The following PARD3 variants were observed in gnomAD, a reference collection of about 807,000 sequenced individuals.
PARD3 encodes partitioning defective 3 homolog.
Under a neutral mutation model 155.4 loss-of-function variants are expected in PARD3, and 75 were observed. The observed-to-expected ratio is 0.48, with a 90% CI of 0.40 to 0.58. The LOEUF (loss-of-function observed/expected upper bound fraction) is 0.58. Among genes scored for constraint, PARD3 ranks in the 20% least tolerant of loss-of-function variants. The pLI, the probability that PARD3 is intolerant of heterozygous loss-of-function variation, is 0.00. For synonymous variants in PARD3, 576 were observed against 610.5 expected (o/e 0.94, Z 0.83); for missense variants, 1,642 against 1,721.7 (o/e 0.95, Z 0.82).
chr10:34,604,733 G>C (rs914394483), intron 2 of PARD3, among the ~76,000 whole-genome samples: 3 of 150,994 alleles, frequency 2.0e-5, no homozygotes, highest in African/African-American at 7.3e-5. Context: ...TGAACTATAA[G>C]CAACAAAGAT....
chr10:34,297,606 A>G (rs1296513068), intron 20 of PARD3, among the ~76,000 whole-genome samples: 1 of 152,188 alleles, frequency 6.6e-6, no homozygotes, highest in Non-Finnish European at 1.5e-5. Flanking sequence ...TTTCAGTGGT[A>G]GCATTTTCCA....
chr10:34,436,241 C>T (rs2076180969), intron 5 of PARD3, among the ~76,000 whole-genome samples: 1 of 152,194 alleles, frequency 6.6e-6, no homozygotes. Flanking sequence ...CCAAGACGTC[C>T]TTTTCCTTAA....
At chr10:34,172,130 A>C (rs2582850) in intron 22 of PARD3, among the ~76,000 whole-genome samples, 30,413 of 152,070 alleles carry the variant, frequency 0.2, 3,866 homozygotes, top group Non-Finnish European at 0.26. Flanking sequence ...GCAACACAAC[A>C]TTCTCAAGGG....
chr10:34,787,390 T>C (rs1564619630), intron 1 of PARD3, among the ~76,000 whole-genome samples: 1 of 151,904 alleles, frequency 6.6e-6, no homozygotes, highest in African/African-American at 2.4e-5. Context: ...AAAACAATAA[T>C]AATAATTCCA....
chr10:34,745,388 A>AAAAGGAAGG (rs1329065485), intron 1 of PARD3, among the ~76,000 whole-genome samples: 1 of 151,262 alleles, frequency 6.6e-6, no homozygotes. Flanking sequence ...GAAAGGAAGT[A>AAAAGGAAGG]AAAGGAAGGA....
At chr10:34,800,401 G>A (rs531160269) in intron 1 of PARD3, among the ~76,000 whole-genome samples, 3 of 152,158 alleles carry the variant, frequency 2.0e-5, no homozygotes, top group East Asian at 1.9e-4. Context: ...CCTGAGGTCA[G>A]GAGTTCAAGA....
intron 1 of PARD3, among the ~76,000 whole-genome samples, chr10:34,771,644 A>T (rs893264234): frequency 2.6e-5 from 4 of 152,242 alleles, no homozygotes; most frequent in Non-Finnish European, 5.9e-5. Flanking sequence ...TTTTGATGCC[A>T]GCCAAGGAAC....
At chr10:34,345,682 GA>G in intron 15 of PARD3, 1 of 985,310 alleles carries the variant, frequency 1.0e-6, no homozygotes, top group Non-Finnish European at 1.2e-6. Context: ...ACATAAATCC[GA>G]ATTTTGGTTC....
chr10:34,456,226 G>T (rs1167571130), intron 4 of PARD3, among the ~76,000 whole-genome samples: 1 of 152,174 alleles, frequency 6.6e-6, no homozygotes, highest in Non-Finnish European at 1.5e-5. Context: ...CAGAGATTTT[G>T]AATGCCAAAA....
chr10:34,777,998 T>C (rs993957632), intron 1 of PARD3, among the ~76,000 whole-genome samples: 1 of 152,218 alleles, frequency 6.6e-6, no homozygotes, highest in African/African-American at 2.4e-5. Context: ...TAGAGCTTTA[T>C]CCTCCAGCAG....
chr10:34,623,131 A>G (rs537437899), intron 2 of PARD3, among the ~76,000 whole-genome samples: 4 of 152,288 alleles, frequency 2.6e-5, no homozygotes, highest in African/African-American at 9.6e-5. Context: ...CTACAAAGAC[A>G]CACAAAAGCA....
At chr10:34,503,536 A>G (rs2080852227) in intron 3 of PARD3, among the ~76,000 whole-genome samples, 1 of 152,212 alleles carries the variant, frequency 6.6e-6, no homozygotes, top group East Asian at 1.9e-4. Flanking sequence ...GTATATATGT[A>G]TTTGTATATA....
At chr10:34,345,760 G>A in intron 15 of PARD3, 1 of 985,256 alleles carries the variant, frequency 1.0e-6, no homozygotes, top group Non-Finnish European at 1.2e-6. Context: ...GCCTTGTTTG[G>A]GCATTCTCTT....
intron 2 of PARD3, among the ~76,000 whole-genome samples, chr10:34,526,831 G>A (rs187001412): frequency 1.6e-4 from 25 of 152,222 alleles, no homozygotes; most frequent in African/African-American, 3.6e-4. Context: ...ATCCAGTGTC[G>A]TCAGAAACAA....
intron 20 of PARD3, among the ~76,000 whole-genome samples, chr10:34,298,873 C>T (rs1445705415): frequency 6.6e-6 from 1 of 152,114 alleles, no homozygotes; most frequent in African/African-American, 2.4e-5. Context: ...ACTTCCAATC[C>T]CCAGACTTAA....
chr10:34,222,571 A>T (rs1186487521), intron 22 of PARD3, among the ~76,000 whole-genome samples: 2 of 152,216 alleles, frequency 1.3e-5, no homozygotes, highest in Admixed American at 6.5e-5. Context: ...GGAGAGAGAG[A>T]GAGATCCATC....
rs1840641436 is a variant in PARD3, at chr10:34,371,521, AAAAAAAAAAAAC to A, written c.1707+965_1707+976del. On this transcript the variant is annotated intron_variant, in intron 12 of 24. Transcript: ENST00000374788. ...AAAAAAAAAAAAAAAAAAAAAAAAA[AAAAAAAAAAAAC>A]AACGAAGGAATATTTGAAAAATAAC... is the stretch of plus-strand genomic sequence containing the variant. Among the ~76,000 whole-genome samples the A allele has an allele frequency of 6.9e-5, 5 of 72,380 alleles. 1 individual carries two copies. The highest frequency in any genetic ancestry group is 3.5e-4 in the South Asian group (1 of 2,866). The allele number at this position is 72,380 out of a possible 152,430, so 47.5% of individuals were successfully genotyped here.
At chr10:34,475,949 C>G (rs1419163429) in intron 3 of PARD3, among the ~76,000 whole-genome samples, 1 of 151,894 alleles carries the variant, frequency 6.6e-6, no homozygotes, top group Non-Finnish European at 1.5e-5. Context: ...TATGAGAAAA[C>G]CTCACCATGT....
At chr10:34,510,873 T>C (rs2081360754) in intron 3 of PARD3, among the ~76,000 whole-genome samples, 1 of 152,220 alleles carries the variant, frequency 6.6e-6, no homozygotes, top group Admixed American at 6.5e-5. Flanking sequence ...AAAGGTTCTT[T>C]TAAAAATAAT....
Sources: gnomAD v4.1 joint callset for allele counts (sites outside exome capture counted in the v4.1 genomes callset) on GRCh38, gnomAD v4.1.1 for gene constraint, MANE v1.5 for transcripts, NCBI Gene and HGNC (gene_info 2026-07-23, HGNC 2026-07-21) for gene names.